SYNJ1: variants seen among roughly 807,000 people sequenced by gnomAD.
SYNJ1 encodes the protein polyphosphatidylinositol phosphatase SYNJ1.
SYNJ1 carries 78 observed loss-of-function variants against 168.2 expected under a neutral mutation model. The observed-to-expected ratio is 0.46, with a 90% CI of 0.39 to 0.56. The LOEUF is 0.56. Among genes scored for constraint, SYNJ1 ranks in the 20% least tolerant of loss-of-function variants. The pLI is 0.00. For synonymous variants in SYNJ1, 539 were observed against 548.6 expected (o/e 0.98, Z 0.24); for missense variants, 1,303 against 1,597.6 (o/e 0.82, Z 3.14).
At chr21:32,659,984 G>A (rs954682648) in intron 18 of SYNJ1, among the ~76,000 whole-genome samples, 5 of 152,196 alleles carry the variant, frequency 3.3e-5, no homozygotes, top group East Asian at 1.9e-4. Context: ...TAATTGCCCC[G>A]GTCGAACGCC....
At chr21:32,649,011 C>T (rs1447934222) in intron 23 of SYNJ1, among the ~76,000 whole-genome samples, 1 of 152,220 alleles carries the variant, frequency 6.6e-6, no homozygotes, top group Non-Finnish European at 1.5e-5. Flanking sequence ...TAATTCCATT[C>T]TCCCTGAGTC....
At chr21:32,723,402 C>T (rs1426254244) in intron 2 of SYNJ1, among the ~76,000 whole-genome samples, 2 of 152,284 alleles carry the variant, frequency 1.3e-5, no homozygotes, top group Non-Finnish European at 2.9e-5. Flanking sequence ...CAAGTAGAGA[C>T]TTGAAATTAG....
intron 2 of SYNJ1, among the ~76,000 whole-genome samples, chr21:32,722,534 A>G (rs1425604259): frequency 6.6e-6 from 1 of 152,194 alleles, no homozygotes; most frequent in East Asian, 1.9e-4. Context: ...TCAGTGACAG[A>G]ACAAGACTCT....
intron 32 of SYNJ1, among the ~76,000 whole-genome samples, chr21:32,632,388 C>CTT (rs535534076): frequency 7.3e-4 from 104 of 143,144 alleles, no homozygotes; most frequent in African/African-American, 2.4e-3. Context: ...CCCACCCCCT[C>CTT]TTTTTTTTTT....
Position 32,630,789 on chromosome 21 carries a change from C to T in SYNJ1, c.*1016G>A. 1 of 499,608 alleles carries T rather than the reference C, an allele frequency of 2.0e-6. No homozygotes were observed. The highest frequency in any genetic ancestry group is 3.5e-6 in the Non-Finnish European group (1 of 288,176). The allele number at this position is 499,608 out of a possible 1,614,324, so 30.9% of individuals were successfully genotyped here. Reference sequence around the variant, plus strand: ...TCTCCTATTCATCCAAAGAGAAATACATCAAAACTCCAGTTAACAATGAGA... The same window carrying T: ...TCTCCTATTCATCCAAAGAGAAATATATCAAAACTCCAGTTAACAATGAGA... On this transcript the variant is annotated 3_prime_UTR_variant, in exon 33 of 33. Transcript: ENST00000674351.
At chr21:32,707,283 CTTTTTTTTTTTT>C (rs367843525) in intron 2 of SYNJ1, among the ~76,000 whole-genome samples, 12 of 130,580 alleles carry the variant, frequency 9.2e-5, no homozygotes, top group Middle Eastern at 3.9e-3. Context: ...TTTCTTTTTC[CTTTTTTTTTTTT>C]TTTTTTTTTG....
intron 6 of SYNJ1, among the ~76,000 whole-genome samples, chr21:32,689,538 G>C (rs2041948920): frequency 6.6e-6 from 1 of 152,128 alleles, no homozygotes; most frequent in South Asian, 2.1e-4. Flanking sequence ...CTTGTGATCT[G>C]CCCGCCTCAG....
chr21:32,717,122 G>T (rs1282227159), intron 2 of SYNJ1, among the ~76,000 whole-genome samples: 1 of 152,104 alleles, frequency 6.6e-6, no homozygotes, highest in African/African-American at 2.4e-5. Context: ...ACCACGCCCG[G>T]CTAATTTTGT....
intron 12 of SYNJ1, among the ~76,000 whole-genome samples, chr21:32,677,858 A>G (rs962766770): frequency 6.6e-6 from 1 of 152,214 alleles, no homozygotes; most frequent in Admixed American, 6.5e-5. Flanking sequence ...AGGGAACATT[A>G]AAAAGTTTGG....
chr21:32,658,811 G>A (rs941466499), intron 18 of SYNJ1, among the ~76,000 whole-genome samples: 1 of 152,224 alleles, frequency 6.6e-6, no homozygotes, highest in Non-Finnish European at 1.5e-5. Flanking sequence ...CGCCCCGCCA[G>A]TGCCCATGCA....
chr21:32,713,084 AAT>A (rs2042886225), intron 2 of SYNJ1, among the ~76,000 whole-genome samples: 1 of 152,262 alleles, frequency 6.6e-6, no homozygotes, highest in Non-Finnish European at 1.5e-5. Flanking sequence ...CACTGCAACA[AAT>A]ATGAGTAAAC....
chr21:32,671,248 C>T (rs1055325007), intron 14 of SYNJ1, among the ~76,000 whole-genome samples: 5 of 151,510 alleles, frequency 3.3e-5, no homozygotes, highest in South Asian at 2.1e-4. Flanking sequence ...TTGAGGTTAT[C>T]GTGACCTATG....
At chr21:32,632,788 G>A (rs1343985332) in intron 32 of SYNJ1, among the ~76,000 whole-genome samples, 1 of 152,184 alleles carries the variant, frequency 6.6e-6, no homozygotes, top group African/African-American at 2.4e-5. Context: ...GTAAGGCTGA[G>A]GCAGGTGGAT....
chr21:32,709,260 G>GT (rs1936892687), intron 2 of SYNJ1, among the ~76,000 whole-genome samples: 1 of 151,998 alleles, frequency 6.6e-6, no homozygotes, highest in African/African-American at 2.4e-5. Context: ...CCCAAGGTGG[G>GT]TGGCTCACTG....
chr21:32,674,437 A>T (rs2041324869), intron 13 of SYNJ1, among the ~76,000 whole-genome samples: 1 of 152,146 alleles, frequency 6.6e-6, no homozygotes, highest in Non-Finnish European at 1.5e-5. Context: ...TATGTATTTT[A>T]TTTATTTATC....
intron 2 of SYNJ1, among the ~76,000 whole-genome samples, chr21:32,709,398 A>T (rs1231860863): frequency 1.3e-5 from 2 of 151,120 alleles, no homozygotes; most frequent in Non-Finnish European, 2.9e-5. Context: ...AATCACTTGA[A>T]GCCGGCAGGC....
chr21:32,632,530 C>T lies in SYNJ1; in HGVS notation c.*4-729G>A, dbSNP rs547808768. ...CCTCTTGAGTAGCTGGGACTACAGG[C>T]GTGTGCCACCAGGTCTAGCTAATTT... is the stretch of plus-strand genomic sequence containing the variant. On this transcript the variant is annotated intron_variant, in intron 32 of 32. Coordinates refer to ENST00000674351, the MANE Select transcript of SYNJ1 (RefSeq NM_203446.3). 2.2e-3 allele frequency among the ~76,000 whole-genome samples: 340 copies of T among 152,106 alleles called. 3 individuals carry two copies. Among genetic ancestry groups the T allele is most frequent in the African/African-American group, 7.8e-3 (324 of 41,506 alleles).
chr21:32,687,515 T>C (rs1194958817), intron 7 of SYNJ1, among the ~76,000 whole-genome samples: 2 of 152,206 alleles, frequency 1.3e-5, no homozygotes, highest in South Asian at 2.1e-4. Flanking sequence ...GTCTTTTCTC[T>C]TTCCAGCTTC....
intron 3 of SYNJ1, 114 bp from the exon 4 acceptor site, chr21:32,700,219 A>G (rs2042349802): frequency 4.0e-6 from 5 of 1,237,246 alleles, no homozygotes; most frequent in Middle Eastern, 5.7e-4. Flanking sequence ...TAAACTTATC[A>G]TGGATGTGTT....
Sources: allele counts gnomAD v4.1 joint callset (sites outside exome capture counted in the v4.1 genomes callset), GRCh38; gene constraint gnomAD v4.1.1; transcripts MANE v1.5; gene names NCBI Gene and HGNC (gene_info 2026-07-23, HGNC 2026-07-21).